ZHX2: variants seen among roughly 807,000 people sequenced by gnomAD.
The protein encoded by ZHX2 is zinc fingers and homeoboxes 2, also known as zinc fingers and homeoboxes protein 2.
In ZHX2, 6 loss-of-function variants were observed where a neutral mutation model predicts 21.9. The ratio of observed to expected loss-of-function variants is 0.27; its 90% CI spans 0.15 to 0.54. ZHX2 has a LOEUF of 0.54. ZHX2 is among the 20% of genes least tolerant of loss of function. The pLI, the probability that ZHX2 is intolerant of heterozygous loss-of-function variation, is 0.95. For missense variants in ZHX2, 908 were observed against 1,090.7 expected, an observed-to-expected ratio of 0.83 and a Z score of 2.36; for synonymous variants, 434 against 437.1, an observed-to-expected ratio of 0.99 and a Z score of 0.09.
intron 2 of ZHX2, among the ~76,000 whole-genome samples, chr8:122,882,568 C>T (rs1441582141): frequency 6.6e-6 from 1 of 152,146 alleles, no homozygotes; most frequent in East Asian, 1.9e-4. Flanking sequence ...CCAGAAACAA[C>T]AGCAGTGCTG....
intron 2 of ZHX2, among the ~76,000 whole-genome samples, chr8:122,876,324 T>A (rs1819572156): frequency 6.6e-6 from 1 of 152,108 alleles, no homozygotes; most frequent in Non-Finnish European, 1.5e-5. Flanking sequence ...ATGCTGCAAT[T>A]CGGGCAGCAC....
At chr8:122,806,768 C>G (rs1817833485) in intron 1 of ZHX2, among the ~76,000 whole-genome samples, 3 of 152,220 alleles carry the variant, frequency 2.0e-5, no homozygotes, top group Non-Finnish European at 4.4e-5. Flanking sequence ...TGACATTTAC[C>G]TTGTGCCAAT....
intron 1 of ZHX2, among the ~76,000 whole-genome samples, chr8:122,812,933 C>T (rs2130612148): frequency 6.6e-6 from 1 of 152,268 alleles, no homozygotes; most frequent in East Asian, 1.9e-4. Flanking sequence ...CAGTGGCTCC[C>T]GCCTGTAATC....
intron 1 of ZHX2, among the ~76,000 whole-genome samples, chr8:122,841,113 T>A (rs1818614325): frequency 6.6e-6 from 1 of 152,178 alleles, no homozygotes; most frequent in Admixed American, 6.5e-5. Flanking sequence ...AGCAGCAGCA[T>A]TACGTACTGC....
chr8:122,888,979 C>A (rs1214475237), intron 2 of ZHX2, among the ~76,000 whole-genome samples: 1 of 152,180 alleles, frequency 6.6e-6, no homozygotes, highest in East Asian at 1.9e-4. Context: ...CACATATGAA[C>A]AAAAACATGC....
chr8:122,868,606 C>G (rs1819354533), intron 2 of ZHX2, among the ~76,000 whole-genome samples: 1 of 150,368 alleles, frequency 6.7e-6, no homozygotes, highest in African/African-American at 2.5e-5. Flanking sequence ...GAGGCTGAGG[C>G]AGGAGAATGG....
At chr8:122,890,231 AG>A (rs1352361004) in intron 2 of ZHX2, among the ~76,000 whole-genome samples, 2 of 152,052 alleles carry the variant, frequency 1.3e-5, no homozygotes, top group Non-Finnish European at 2.9e-5. Flanking sequence ...TTCCTGATGT[AG>A]GTTCTTGGTG....
At chr8:122,833,812 C>T (rs1257212860) in intron 1 of ZHX2, among the ~76,000 whole-genome samples, 4 of 151,510 alleles carry the variant, frequency 2.6e-5, no homozygotes, top group East Asian at 3.9e-4. Flanking sequence ...CTGGCTAACA[C>T]GGTGAAACCT....
intron 1 of ZHX2, among the ~76,000 whole-genome samples, chr8:122,835,893 G>A (rs1818483420): frequency 1.3e-5 from 2 of 152,140 alleles, no homozygotes; most frequent in African/African-American, 4.8e-5. Flanking sequence ...TATTTAATTC[G>A]TATTGTGGCC....
intron 2 of ZHX2, among the ~76,000 whole-genome samples, chr8:122,944,851 T>C (rs2130234982): frequency 6.6e-6 from 1 of 152,358 alleles, no homozygotes; most frequent in South Asian, 2.1e-4. Context: ...CGAATGTGAC[T>C]GTATTTGGAG....
At chr8:122,960,293 C>T (rs1746384187) in intron 3 of ZHX2, among the ~76,000 whole-genome samples, 1 of 152,104 alleles carries the variant, frequency 6.6e-6, no homozygotes, top group Admixed American at 6.5e-5. Context: ...AATCCCAGCA[C>T]TTTGGGAGGC....
At chr8:122,831,392 C>T (rs965177319) in intron 1 of ZHX2, among the ~76,000 whole-genome samples, 7 of 152,074 alleles carry the variant, frequency 4.6e-5, no homozygotes, top group African/African-American at 1.7e-4. Flanking sequence ...AGGGCGGAGA[C>T]GTTACAGGAG....
At chr8:122,865,225 T>C (rs1819261718) in intron 2 of ZHX2, among the ~76,000 whole-genome samples, 1 of 151,184 alleles carries the variant, frequency 6.6e-6, no homozygotes, top group Non-Finnish European at 1.5e-5. Flanking sequence ...GCCTCCCAGG[T>C]TCATGCCATT....
At chr8:122,793,570 A>G (rs1422945386) in intron 1 of ZHX2, among the ~76,000 whole-genome samples, 1 of 152,114 alleles carries the variant, frequency 6.6e-6, no homozygotes. Context: ...CTTTTTTGTA[A>G]CCAGCTTTGT....
At chr8:122,969,636 G>C (rs7819760) in intron 3 of ZHX2, among the ~76,000 whole-genome samples, 1 of 152,036 alleles carries the variant, frequency 6.6e-6, no homozygotes, top group Non-Finnish European at 1.5e-5. Flanking sequence ...AGGTTTGTCC[G>C]TATCAAAAAT....
At chr8:122,909,110 G>T (rs1033365810) in intron 2 of ZHX2, among the ~76,000 whole-genome samples, 1 of 152,192 alleles carries the variant, frequency 6.6e-6, no homozygotes, top group African/African-American at 2.4e-5. Flanking sequence ...TGATTTGGGT[G>T]TAGTAGCTAA....
intron 1 of ZHX2, among the ~76,000 whole-genome samples, chr8:122,814,254 C>G (rs1450433028): frequency 6.6e-6 from 1 of 152,190 alleles, no homozygotes; most frequent in African/African-American, 2.4e-5. Context: ...AGGATTGGCT[C>G]TCTACTAAAA....
intron 3 of ZHX2, among the ~76,000 whole-genome samples, chr8:122,954,475 T>C (rs914942530): frequency 6.6e-6 from 1 of 152,162 alleles, no homozygotes; most frequent in Non-Finnish European, 1.5e-5. Context: ...ACCCAACTAA[T>C]ATTTTAATAT....
intron 3 of ZHX2, among the ~76,000 whole-genome samples, chr8:122,957,496 C>A (rs570588381): frequency 6.6e-6 from 1 of 150,874 alleles, no homozygotes; most frequent in East Asian, 1.9e-4. Flanking sequence ...GAGATGGAGT[C>A]TTCCTCTGTG....
Sources: allele counts gnomAD v4.1 joint callset (sites outside exome capture counted in the v4.1 genomes callset), GRCh38; gene constraint gnomAD v4.1.1; transcripts MANE v1.5; gene names NCBI Gene and HGNC (gene_info 2026-07-23, HGNC 2026-07-21).